Variants in MROH7 observed in about 807,000 individuals in gnomAD.
The protein encoded by MROH7 is maestro heat-like repeat-containing protein family member 7.
A neutral mutation model predicts 129.2 loss-of-function variants in MROH7; 113 were observed. That is an observed-to-expected ratio of 0.87 (90% CI 0.75 to 1.02). MROH7 has a LOEUF of 1.02. Ranked by LOEUF, MROH7 falls within the 50% of genes least tolerant of loss-of-function variation. The pLI, the probability that MROH7 is intolerant of heterozygous loss-of-function variation, is 0.00. For missense variants in MROH7, 1,601 were observed against 1,671.3 expected (o/e 0.96, Z 0.73); for synonymous variants, 655 against 667.9 (o/e 0.98, Z 0.30).
intron 18 of MROH7, 62 bp from the exon 19 acceptor site, chr1:54,701,081 G>C: frequency 6.4e-7 from 1 of 1,555,146 alleles, no homozygotes; most frequent in Non-Finnish European, 8.8e-7. Flanking sequence ...ATCAGAGGCT[G>C]GGTCTCTTCC....
intron 16 of MROH7, among the ~76,000 whole-genome samples, chr1:54,693,690 C>T (rs186711478): frequency 6.6e-6 from 1 of 152,228 alleles, no homozygotes; most frequent in East Asian, 1.9e-4. Flanking sequence ...CACCTTGATT[C>T]CAATGCTGTG....
chr1:54,650,476 C>T (rs1476637740), intron 1 of MROH7, among the ~76,000 whole-genome samples: 2 of 151,846 alleles, frequency 1.3e-5, no homozygotes, highest in Non-Finnish European at 2.9e-5. Context: ...GAAGAGTCTC[C>T]CCTTGCCACC....
intron 3 of MROH7, among the ~76,000 whole-genome samples, chr1:54,657,374 T>A (rs965124443): frequency 1.7e-4 from 26 of 152,096 alleles, no homozygotes; most frequent in Non-Finnish European, 2.2e-4. Context: ...TAAACATTTT[T>A]AAATTATTAT....
Position 54,653,021 on chromosome 1 carries a change from G to A in MROH7, c.95G>A (p.Gly32Asp), listed in dbSNP as rs764217818. Residue 32 changes from glycine (G) to aspartate (D), a missense_variant, in exon 3 of 24, where the codon GGT becomes GAT. Transcript: ENST00000421030. Reference protein sequence around the residue: ...PSCGAPGLGSGTIPQPHPDMA... With the variant: ...PSCGAPGLGSDTIPQPHPDMA... ...TGTGGGGCCCCGGGATTAGGGTCTGGTACCATCCCTCAGCCCCACCCAGAC... is the reference window on the plus strand; with the variant it reads ...TGTGGGGCCCCGGGATTAGGGTCTGATACCATCCCTCAGCCCCACCCAGAC... 1 of 1,614,128 alleles carries A rather than the reference G, an allele frequency of 6.2e-7. No homozygotes were observed.
Position 54,695,475 on chromosome 1 carries a change from C to G in MROH7, c.2949C>G (p.Thr983=), listed in dbSNP as rs755992083. The change falls in exon 17 of 24, where the codon ACC becomes ACG. Residue 983 remains threonine, a synonymous_variant. Transcript: ENST00000421030. ...ACGAGAAGCACAGGATCACGGCCACCGCCTTCTTCGTGGAGGTACCAACGG... is the reference window on the plus strand; with the variant it reads ...ACGAGAAGCACAGGATCACGGCCACGGCCTTCTTCGTGGAGGTACCAACGG... The part of the protein sequence containing the change: ...RGDEKHRITA[T]AFFVELLQME... 6.2e-7 allele frequency: 1 copy of G among 1,613,182 alleles called. No homozygotes were observed. Among genetic ancestry groups the G allele is most frequent in the Admixed American group, 1.7e-5 (1 of 59,946 alleles).
chr1:54,687,470 G>A lies in MROH7; in HGVS notation c.2711+1022G>A, dbSNP rs369449005. Among the ~76,000 whole-genome samples, 34 of 152,272 alleles carry A rather than the reference G, an allele frequency of 2.2e-4. No individual in the cohort carries two copies. The East Asian group carries it at 2.3e-3, about 10-fold the overall frequency. ...TTAACCAGGCTTCTCTGGATTTCGG[G>A]GCTTTCCAGCCATTGGCAGTTACAA... On this transcript the variant is annotated intron_variant, in intron 15 of 23. Transcript: ENST00000421030.
intron 15 of MROH7, among the ~76,000 whole-genome samples, chr1:54,690,840 G>A (rs1018511015): frequency 3.9e-5 from 6 of 152,168 alleles, no homozygotes; most frequent in Non-Finnish European, 8.8e-5. Context: ...CTCTAAGTCA[G>A]GTCATTCCCT....
At chr1:54,692,307 C>A in intron 15 of MROH7, 117 bp from the exon 16 acceptor site, 2 of 1,317,448 alleles carry the variant, frequency 1.5e-6, no homozygotes, top group Non-Finnish European at 2.1e-6. Context: ...AATACCCCTA[C>A]CTAAAATGGT....
intron 12 of MROH7, 104 bp downstream of exon 12, chr1:54,679,543 T>G: frequency 1.6e-6 from 2 of 1,274,018 alleles, no homozygotes; most frequent in Non-Finnish European, 2.2e-6. Context: ...GGGTGGGGTA[T>G]ACCTGAACCC....
intron 13 of MROH7, among the ~76,000 whole-genome samples, chr1:54,680,408 C>T (rs533758078): frequency 1.3e-5 from 2 of 152,330 alleles, no homozygotes; most frequent in East Asian, 1.9e-4. Context: ...AGGAGGTCTG[C>T]GTGTCCGTCC....
At chr1:54,669,201 C>T (rs1644858271) in intron 5 of MROH7, among the ~76,000 whole-genome samples, 1 of 152,152 alleles carries the variant, frequency 6.6e-6, no homozygotes, top group Non-Finnish European at 1.5e-5. Context: ...GTTGGGAGGA[C>T]ACAACCCAAT....
chr1:54,674,545 T>C lies in MROH7; in HGVS notation c.1936+394T>C, dbSNP rs1335881909. 2.0e-5 allele frequency among the ~76,000 whole-genome samples: 3 copies of C among 152,166 alleles called. No individual in the cohort carries two copies. The East Asian group carries it at 5.8e-4, about 29-fold the overall frequency. ...GGGCTGTATCTTGGTCACCCCTGTA[T>C]TCCCAAGGGCCATCTCTGGGCTTGG... On this transcript the variant is annotated intron_variant, in intron 10 of 23. Transcript: ENST00000421030.
At chr1:54,699,963 G>A in intron 17 of MROH7, 1 of 608,664 alleles carries the variant, frequency 1.6e-6, no homozygotes. Flanking sequence ...CACAGAAGGG[G>A]TGGAACAGCC....
At position 54,670,863 on chromosome 1, in the gene MROH7, C is replaced by CG. The variant is rs1449911279; in HGVS notation, c.1534dup (p.Val512GlyfsTer19). The CG allele has an allele frequency of 6.2e-7, 1 of 1,613,546 alleles. No individual in the cohort carries two copies. Among genetic ancestry groups the CG allele is most frequent in the Non-Finnish European group, 8.5e-7 (1 of 1,179,892 alleles). ...AGCTGGTGAACGTGTGTGTGCACAG[C>CG]GTGTTCTCCCTGCCCTCCGTGCAGG... On this transcript the variant is annotated frameshift_variant, in exon 7 of 24. Transcript: ENST00000421030. LOFTEE classifies it high-confidence loss of function.
intron 6 of MROH7, 94 bp downstream of exon 6, chr1:54,670,670 C>CCCCCCCCCCCCAT: frequency 8.1e-7 from 1 of 1,240,900 alleles, no homozygotes; most frequent in Non-Finnish European, 1.1e-6. Flanking sequence ...TCCCCCAACC[C>CCCCCCCCCCCCAT]GCCCCCACCC....
rs1246595752 is a variant in MROH7, at chr1:54,653,038, C to G, written c.112C>G (p.His38Asp). 2 of 1,614,198 alleles carry G rather than the reference C, an allele frequency of 1.2e-6. No homozygotes were observed. The highest frequency in any genetic ancestry group is 1.7e-6 in the Non-Finnish European group (2 of 1,180,030). Residue 38 changes from histidine to aspartate, a missense_variant, in exon 3 of 24, where the codon CAC becomes GAC. Transcript: ENST00000421030. Reference sequence around the variant, plus strand: ...AGGGTCTGGTACCATCCCTCAGCCCCACCCAGACATGGCTCAGGTGCCTAT... The same window carrying G: ...AGGGTCTGGTACCATCCCTCAGCCCGACCCAGACATGGCTCAGGTGCCTAT... ...GLGSGTIPQPHPDMAQVPMLN... is the reference protein window; with the variant it reads ...GLGSGTIPQPDPDMAQVPMLN...
At chr1:54,666,741 C>G (rs1644821337) in intron 4 of MROH7, among the ~76,000 whole-genome samples, 1 of 151,932 alleles carries the variant, frequency 6.6e-6, no homozygotes, top group Non-Finnish European at 1.5e-5. Context: ...GCCACCACAC[C>G]CAGCAAGAGA....
intron 3 of MROH7, among the ~76,000 whole-genome samples, chr1:54,655,078 G>C (rs912014410): frequency 6.9e-6 from 1 of 145,684 alleles, no homozygotes; most frequent in African/African-American, 2.5e-5. Context: ...ACAATGGCTT[G>C]ATCTTGGCTC....
intron 17 of MROH7, among the ~76,000 whole-genome samples, chr1:54,696,644 A>G (rs891121182): frequency 2.8e-5 from 4 of 141,378 alleles, no homozygotes; most frequent in African/African-American, 1.1e-4. Flanking sequence ...TGTTGCATGC[A>G]TCACAATTTC....
Sources: allele counts gnomAD v4.1 joint callset (sites outside exome capture counted in the v4.1 genomes callset), GRCh38; gene constraint gnomAD v4.1.1; transcripts MANE v1.5; gene names NCBI Gene and HGNC (gene_info 2026-07-23, HGNC 2026-07-21).